Variants in PLXNC1 observed in about 807,000 individuals in gnomAD.
The protein encoded by PLXNC1 is plexin-C1.
PLXNC1 carries 75 observed loss-of-function variants against 178.2 expected under a neutral mutation model. The ratio of observed to expected loss-of-function variants is 0.42; its 90% CI spans 0.35 to 0.51. The LOEUF is 0.51. PLXNC1 is among the 20% of genes least tolerant of loss of function. PLXNC1 has a pLI of 0.02. For missense variants in PLXNC1, 1,503 were observed against 1,984.4 expected (o/e 0.76, Z 4.61); for synonymous variants, 790 against 779.9 (o/e 1.01, Z -0.22).
chr12:94,282,439 C>T (rs1458191870), intron 23 of PLXNC1, 38 bp downstream of exon 23: 2 of 1,304,868 alleles, frequency 1.5e-6, no homozygotes, highest in Non-Finnish European at 1.1e-6. Context: ...CCTTCCTCAT[C>T]CCCAATCCTA....
chr12:94,220,439 A>G (rs745959464), intron 6 of PLXNC1, among the ~76,000 whole-genome samples: 1 of 152,214 alleles, frequency 6.6e-6, no homozygotes, highest in Non-Finnish European at 1.5e-5. Flanking sequence ...TGGGCCGACT[A>G]CCCAAATGGT....
chr12:94,220,271 A>C, intron 6 of PLXNC1, 108 bp downstream of exon 6: 2 of 1,026,630 alleles, frequency 1.9e-6, no homozygotes, highest in Non-Finnish European at 2.9e-6. Flanking sequence ...CTGTAGACTC[A>C]CTCCCTCACT....
chr12:94,234,139 AT>A (rs10715853), intron 9 of PLXNC1, among the ~76,000 whole-genome samples: 35,275 of 151,608 alleles, frequency 0.23, 4,381 homozygotes, highest in East Asian at 0.37. Flanking sequence ...CTATATTCAG[AT>A]TTTTTTTTAA....
chr12:94,194,599 C>T (rs557052726), intron 4 of PLXNC1, among the ~76,000 whole-genome samples: 1 of 152,182 alleles, frequency 6.6e-6, no homozygotes, highest in African/African-American at 2.4e-5. Flanking sequence ...ACAAAAAATA[C>T]AAAAATTAGC....
intron 28 of PLXNC1, among the ~76,000 whole-genome samples, chr12:94,301,320 T>G (rs576953771): frequency 1.3e-5 from 2 of 152,360 alleles, no homozygotes; most frequent in East Asian, 3.9e-4. Context: ...GTATGCGTTT[T>G]GTTTCCTAGA....
At chr12:94,186,793 A>C (rs1962526660) in intron 4 of PLXNC1, 1 of 259,000 alleles carries the variant, frequency 3.9e-6, no homozygotes, top group African/African-American at 2.2e-5. Flanking sequence ...AGAGAGGCAA[A>C]AGGGCCCCCC....
chr12:94,212,511 T>C (rs1251442297), intron 5 of PLXNC1, among the ~76,000 whole-genome samples: 2 of 146,862 alleles, frequency 1.4e-5, no homozygotes, highest in Non-Finnish European at 3.0e-5. Context: ...GTGTGTGATG[T>C]TCCCCGCCCT....
intron 10 of PLXNC1, among the ~76,000 whole-genome samples, chr12:94,239,733 A>T (rs1964331887): frequency 6.6e-6 from 1 of 152,228 alleles, no homozygotes; most frequent in African/African-American, 2.4e-5. Context: ...GTTGGACATC[A>T]GGAGCACCCT....
At chr12:94,207,084 G>A (rs905834602) in intron 4 of PLXNC1, among the ~76,000 whole-genome samples, 6 of 152,226 alleles carry the variant, frequency 3.9e-5, no homozygotes, top group African/African-American at 1.4e-4. Context: ...TTTATAATCT[G>A]CAGTATTTGA....
In PLXNC1 at chr12:94,231,813, C is replaced by A. The variant is rs554472169; in HGVS notation, c.1980+4578C>A. On this transcript the variant is annotated intron_variant, in intron 9 of 30. Coordinates refer to ENST00000258526, the MANE Select transcript of PLXNC1 (RefSeq NM_005761.3). Reference sequence around the variant, plus strand: ...GAAACCTTGTCAGGGACCGTTGGCCCTTTTACCCTGCCCTGACCACTTCTC... The same window carrying A: ...GAAACCTTGTCAGGGACCGTTGGCCATTTTACCCTGCCCTGACCACTTCTC... 2.3e-4 allele frequency among the ~76,000 whole-genome samples: 35 copies of A among 152,264 alleles called. No homozygotes were observed. The South Asian group carries it at 4.1e-3, about 18-fold the overall frequency.
intron 4 of PLXNC1, among the ~76,000 whole-genome samples, chr12:94,204,389 T>G (rs142268452): frequency 6.6e-6 from 1 of 152,362 alleles, no homozygotes; most frequent in African/African-American, 2.4e-5. Context: ...AATAAATGAA[T>G]CAAATCATGT....
chr12:94,203,667 C>G (rs11107437), intron 4 of PLXNC1, among the ~76,000 whole-genome samples: 14,842 of 152,246 alleles, frequency 0.097, 845 homozygotes, highest in East Asian at 0.23. Context: ...CTCCGTTTCT[C>G]AACCTCTGAC....
chr12:94,192,318 T>C (rs1313559874), intron 4 of PLXNC1, among the ~76,000 whole-genome samples: 1 of 152,092 alleles, frequency 6.6e-6, no homozygotes, highest in Non-Finnish European at 1.5e-5. Flanking sequence ...CATTCAATCC[T>C]ACATCCAATC....
chr12:94,305,501 G>A lies in PLXNC1; in HGVS notation c.*216G>A, dbSNP rs1480113631. The A allele has an allele frequency of 2.1e-6, 1 of 468,280 alleles. No individual in the cohort carries two copies. The highest frequency in any genetic ancestry group is 3.6e-5 in the South Asian group (1 of 27,406). The allele number at this position is 468,280 out of a possible 1,614,324, so 29.0% of individuals were successfully genotyped here. On this transcript the variant is annotated 3_prime_UTR_variant, in exon 31 of 31. Transcript: ENST00000258526. ...CCGTGGGAACCCTTCTGTAAATAGA[G>A]TTGAAGTGGTTGTTGCAAACAGCCT...
chr12:94,175,350 G>C (rs1198905435), intron 2 of PLXNC1, among the ~76,000 whole-genome samples: 1 of 152,126 alleles, frequency 6.6e-6, no homozygotes, highest in Non-Finnish European at 1.5e-5. Context: ...ATAGCTTTTT[G>C]AACACCCGTG....
intron 2 of PLXNC1, among the ~76,000 whole-genome samples, chr12:94,176,969 T>C (rs1962071322): frequency 6.6e-6 from 1 of 151,354 alleles, no homozygotes; most frequent in Middle Eastern, 3.2e-3. Flanking sequence ...ACTTAACCAG[T>C]TCCCTATTGC....
chr12:94,275,121 CAGGG>C (rs1965836012), intron 21 of PLXNC1, among the ~76,000 whole-genome samples: 1 of 152,322 alleles, frequency 6.6e-6, no homozygotes, highest in Admixed American at 6.5e-5. Context: ...GCCTGGAACT[CAGGG>C]CCCTGACCCC....
intron 6 of PLXNC1, among the ~76,000 whole-genome samples, chr12:94,221,202 A>C (rs898684527): frequency 6.6e-6 from 1 of 152,260 alleles, no homozygotes; most frequent in African/African-American, 2.4e-5. Context: ...TGCTTAGAAC[A>C]GTATCTGGCA....
chr12:94,196,738 T>A (rs548170866), intron 4 of PLXNC1, among the ~76,000 whole-genome samples: 2 of 152,294 alleles, frequency 1.3e-5, no homozygotes, highest in East Asian at 3.9e-4. Flanking sequence ...ACAGTGTGCA[T>A]GGGTAGAGAA....
Sources: gnomAD v4.1 joint callset for allele counts (sites outside exome capture counted in the v4.1 genomes callset) on GRCh38, gnomAD v4.1.1 for gene constraint, MANE v1.5 for transcripts, NCBI Gene and HGNC (gene_info 2026-07-23, HGNC 2026-07-21) for gene names.